The following HECW2 variants were observed in gnomAD, a reference collection of about 807,000 sequenced individuals.
HECW2 encodes E3 ubiquitin-protein ligase HECW2.
In HECW2, 61 loss-of-function variants were observed where a neutral mutation model predicts 175.2. The observed-to-expected ratio is 0.35, with a 90% CI of 0.28 to 0.43. The LOEUF (loss-of-function observed/expected upper bound fraction) is 0.43. Among genes scored for constraint, HECW2 ranks in the 20% least tolerant of loss-of-function variants. The pLI is 1.00. For missense variants in HECW2, 1,524 were observed against 2,000.5 expected, an observed-to-expected ratio of 0.76 and a Z score of 4.54; for synonymous variants, 671 against 731.0, an observed-to-expected ratio of 0.92 and a Z score of 1.32.
rs990399411 is a variant in HECW2 at position 196,537,656 on chromosome 2, A to C, written c.-36+55852T>G. On this transcript the variant is annotated intron_variant, in intron 1 of 28. Coordinates refer to ENST00000644978, the MANE Select transcript of HECW2 (RefSeq NM_001348768.2). ...ATGAGGCTGAGACTTGCTGGGCTGC[A>C]TTCTCAGAAAGTGAGGCATTCCTAG... 2.0e-4 allele frequency among the ~76,000 whole-genome samples: 31 copies of C among 152,276 alleles called. No homozygotes were observed. In the East Asian group the frequency reaches 3.1e-3, roughly 15 times the overall value.
chr2:196,435,534 T>TA (rs1160345100), intron 1 of HECW2, among the ~76,000 whole-genome samples: 1 of 152,204 alleles, frequency 6.6e-6, no homozygotes, highest in African/African-American at 2.4e-5. Context: ...CCTTATAGCT[T>TA]AAAATCACAA....
At chr2:196,473,510 C>A (rs896909435) in intron 1 of HECW2, among the ~76,000 whole-genome samples, 11 of 152,158 alleles carry the variant, frequency 7.2e-5, no homozygotes, top group African/African-American at 4.8e-5. Context: ...GTCCAAGTAA[C>A]CTACATCCAG....
chr2:196,271,410 A>G, intron 16 of HECW2, 121 bp from the exon 17 acceptor site: 2 of 663,856 alleles, frequency 3.0e-6, no homozygotes, highest in Non-Finnish European at 2.6e-6. Flanking sequence ...CAGGCTTGCA[A>G]GTAGCTGGGA....
At chr2:196,540,626 G>C (rs916426491) in intron 1 of HECW2, among the ~76,000 whole-genome samples, 3 of 151,956 alleles carry the variant, frequency 2.0e-5, no homozygotes, top group African/African-American at 7.3e-5. Context: ...TAATGTTTTT[G>C]TAAAGACGGG....
chr2:196,416,118 T>C (rs1695250313), intron 2 of HECW2, among the ~76,000 whole-genome samples: 1 of 152,248 alleles, frequency 6.6e-6, no homozygotes, highest in Admixed American at 6.5e-5. Context: ...TATAGACACT[T>C]GCATTGGTCA....
intron 1 of HECW2, among the ~76,000 whole-genome samples, chr2:196,498,268 A>G (rs1687464134): frequency 6.6e-6 from 1 of 152,222 alleles, no homozygotes; most frequent in Non-Finnish European, 1.5e-5. Flanking sequence ...TCATTTAATT[A>G]AAAAATTTCC....
chr2:196,235,060 C>G (rs1008314066), intron 21 of HECW2, among the ~76,000 whole-genome samples: 1 of 151,542 alleles, frequency 6.6e-6, no homozygotes, highest in Non-Finnish European at 1.5e-5. Flanking sequence ...AACTAATCAA[C>G]TAAAGTATTT....
chr2:196,455,297 G>T (rs1696472905), intron 1 of HECW2, among the ~76,000 whole-genome samples: 1 of 152,212 alleles, frequency 6.6e-6, no homozygotes, highest in East Asian at 1.9e-4. Flanking sequence ...CTCCCAGAGT[G>T]CTGGGATTAC....
At chr2:196,250,331 T>C (rs1195692032) in intron 19 of HECW2, among the ~76,000 whole-genome samples, 1 of 152,240 alleles carries the variant, frequency 6.6e-6, no homozygotes, top group Non-Finnish European at 1.5e-5. Flanking sequence ...GTTCCAGTTG[T>C]TAATGGTTCA....
At chr2:196,230,199 C>T (rs1688000259) in intron 21 of HECW2, among the ~76,000 whole-genome samples, 1 of 152,322 alleles carries the variant, frequency 6.6e-6, no homozygotes, top group East Asian at 1.9e-4. Context: ...CTGGCTGCCT[C>T]CTCCATGCAG....
intron 1 of HECW2, among the ~76,000 whole-genome samples, chr2:196,558,070 T>A (rs897086877): frequency 2.6e-5 from 4 of 152,192 alleles, no homozygotes; most frequent in African/African-American, 9.7e-5. Context: ...ACCATTATAA[T>A]CCCCATTTAA....
chr2:196,361,716 A>G (rs190731906), intron 2 of HECW2: 1 of 840,218 alleles, frequency 1.2e-6, no homozygotes, highest in Non-Finnish European at 1.4e-6. Context: ...AGAGCTTTTC[A>G]AAGTGAAAGG....
At position 196,304,201 on chromosome 2, in the gene HECW2, CCT is replaced by C. The variant is rs1415568787; in HGVS notation, c.2814+2285_2814+2286del. Among the ~76,000 whole-genome samples the C allele has an allele frequency of 6.6e-5, 10 of 152,262 alleles. No homozygotes were observed. The South Asian group carries it at 1.4e-3, about 22-fold the overall frequency. On this transcript the variant is annotated intron_variant, in intron 13 of 28. Transcript: ENST00000644978. ...GTGCCACAGAAAACTCATTCCTACC[CCT>C]GAGTCTCTGCACTTCCTTGGCAAGG...
intron 2 of HECW2, among the ~76,000 whole-genome samples, chr2:196,404,765 C>T (rs1424153330): frequency 1.3e-5 from 2 of 151,662 alleles, no homozygotes; most frequent in African/African-American, 4.8e-5. Flanking sequence ...ATTCCCTGAT[C>T]CATTCTTATA....
At chr2:196,500,570 C>G (rs1687546422) in intron 1 of HECW2, among the ~76,000 whole-genome samples, 1 of 152,184 alleles carries the variant, frequency 6.6e-6, no homozygotes, top group African/African-American at 2.4e-5. Context: ...ATTTTGCAGA[C>G]TGACATAAAG....
intron 1 of HECW2, among the ~76,000 whole-genome samples, chr2:196,472,146 A>G (rs1349180405): frequency 2.0e-5 from 3 of 152,198 alleles, no homozygotes; most frequent in African/African-American, 7.2e-5. Flanking sequence ...GTTGTAGTCA[A>G]ATGTATGCTA....
At chr2:196,275,660 G>A (rs1689924686) in intron 15 of HECW2, among the ~76,000 whole-genome samples, 1 of 152,020 alleles carries the variant, frequency 6.6e-6, no homozygotes, top group Non-Finnish European at 1.5e-5. Context: ...GCTGAGGCAG[G>A]AGAATCTCTT....
intron 1 of HECW2, among the ~76,000 whole-genome samples, chr2:196,566,561 C>T (rs530911815): frequency 1.6e-3 from 229 of 146,638 alleles, no homozygotes; most frequent in Non-Finnish European, 2.5e-3. Flanking sequence ...AATGGAATCT[C>T]GTTCTTGCTG....
chr2:196,519,926 A>G (rs1362763594), intron 1 of HECW2, among the ~76,000 whole-genome samples: 1 of 152,170 alleles, frequency 6.6e-6, no homozygotes, highest in African/African-American at 2.4e-5. Flanking sequence ...TCCAATCCAC[A>G]CTAGTGATGG....
Sources: allele counts gnomAD v4.1 joint callset (sites outside exome capture counted in the v4.1 genomes callset), GRCh38; gene constraint gnomAD v4.1.1; transcripts MANE v1.5; gene names NCBI Gene and HGNC (gene_info 2026-07-23, HGNC 2026-07-21).